The following CCDC47 variants were observed in gnomAD, a reference collection of about 807,000 sequenced individuals.
The protein encoded by CCDC47 is PAT complex subunit CCDC47.
Under a neutral mutation model 60.5 loss-of-function variants are expected in CCDC47, and 41 were observed. The ratio of observed to expected loss-of-function variants is 0.68; its 90% CI spans 0.53 to 0.88. The LOEUF is 0.88. Ranked by LOEUF, CCDC47 falls within the 40% of genes least tolerant of loss-of-function variation. The probability of loss-of-function intolerance (pLI) is 0.00; values close to 1 mark genes in which losing one functional copy is unlikely to be tolerated. For synonymous variants in CCDC47, 195 were observed against 190.7 expected (o/e 1.02, Z -0.18); for missense variants, 513 against 580.9 (o/e 0.88, Z 1.20).
chr17:63,755,275 A>G, intron 8 of CCDC47: 4 of 984,690 alleles, frequency 4.1e-6, no homozygotes, highest in Non-Finnish European at 4.8e-6. Context: ...ACAAGGCTAA[A>G]GCTTTTTAAA....
intron 1 of CCDC47, among the ~76,000 whole-genome samples, chr17:63,768,762 C>T (rs2039314609): frequency 6.6e-6 from 1 of 152,000 alleles, no homozygotes; most frequent in African/African-American, 2.4e-5. Flanking sequence ...GCCTGGGCAA[C>T]ACAGTGAGAC....
In CCDC47 at chr17:63,761,349, C is replaced by CCCCTAGGGGTAAA; in HGVS notation, c.548-11_549dup (p.Asp184PhefsTer6). ...GTGGCTTCTTTGTTAGTTCCATCAT[C>CCCCTAGGGGTAAA]CCCTAGGGGTAAAACCACTTAATGT... On this transcript the variant is annotated frameshift_variant and splice_region_variant, in exon 5 of 13. Coordinates refer to ENST00000225726, the MANE Select transcript of CCDC47 (RefSeq NM_020198.3). LOFTEE classifies it high-confidence loss of function. 1.2e-6 allele frequency: 2 copies of CCCCTAGGGGTAAA among 1,613,754 alleles called. No individual in the cohort carries two copies. The highest frequency in any genetic ancestry group is 1.7e-6 in the Non-Finnish European group (2 of 1,179,924).
intron 2 of CCDC47, chr17:63,765,682 T>C: frequency 7.5e-7 from 1 of 1,340,972 alleles, no homozygotes; most frequent in Non-Finnish European, 9.5e-7. Flanking sequence ...CCACAAACAG[T>C]ATCTATTCTC....
At position 63,745,708 on chromosome 17, in the gene CCDC47, T is replaced by G. The variant is rs1478005147; in HGVS notation, c.*1173A>C. 6.6e-6 allele frequency: 1 copy of G among 152,152 alleles called. No individual in the cohort carries two copies. Among genetic ancestry groups the G allele is most frequent in the Non-Finnish European group, 1.5e-5 (1 of 68,022 alleles). The allele number at this position is 152,152 out of a possible 1,614,324, so 9.4% of individuals were successfully genotyped here. The stretch of plus-strand genomic sequence containing the variant: ...CCACTCCCACCAGAAAACCCAACCC[T>G]TACCCATCCCCGGCAAAAATTACCT... On this transcript the variant is annotated 3_prime_UTR_variant, in exon 13 of 13. Coordinates refer to ENST00000225726, the MANE Select transcript of CCDC47 (RefSeq NM_020198.3).
At chr17:63,756,636 A>G in intron 6 of CCDC47, 66 bp from the exon 7 acceptor site, 6 of 1,105,970 alleles carry the variant, frequency 5.4e-6, no homozygotes, top group Non-Finnish European at 8.2e-6. Flanking sequence ...AGATTTCTAA[A>G]TGACCCTTAA....
chr17:63,764,462 A>T (rs2039283007), intron 3 of CCDC47, among the ~76,000 whole-genome samples: 1 of 152,208 alleles, frequency 6.6e-6, no homozygotes, highest in Non-Finnish European at 1.5e-5. Flanking sequence ...AATAAATTCA[A>T]TGTACTGTAC....
chr17:63,764,648 T>G (rs1371238505), intron 3 of CCDC47, 92 bp downstream of exon 3: 14 of 1,117,866 alleles, frequency 1.3e-5, no homozygotes, highest in African/African-American at 1.6e-5. Flanking sequence ...ACTATTGCAT[T>G]AACACCAGCT....
intron 2 of CCDC47, chr17:63,765,629 C>T (rs746686881): frequency 1.6e-5 from 17 of 1,084,500 alleles, no homozygotes; most frequent in Middle Eastern, 4.1e-4. Flanking sequence ...CATGAGCCAC[C>T]GTGCCCAGCC....
At chr17:63,757,298 A>G (rs2039215049) in intron 6 of CCDC47, among the ~76,000 whole-genome samples, 1 of 151,562 alleles carries the variant, frequency 6.6e-6, no homozygotes, top group African/African-American at 2.4e-5. Flanking sequence ...ATTGAGCCCC[A>G]GAAGCTGGAG....
chr17:63,755,125 C>A lies in CCDC47; in HGVS notation c.949-607G>T, dbSNP rs557495013. The stretch of plus-strand genomic sequence containing the variant: ...AGCTGGGACTAAAGGAACACACAAC[C>A]ACACCTGGCTAATTTTTTTATTGTA... On this transcript the variant is annotated intron_variant, in intron 8 of 12. Transcript: ENST00000225726. Among the ~76,000 whole-genome samples, 3 of 152,046 alleles carry A rather than the reference C, an allele frequency of 2.0e-5. No homozygotes were observed. In the East Asian group the frequency reaches 5.8e-4, roughly 30 times the overall value.
rs1222029550 is a variant in CCDC47, at chr17:63,759,509, ATATATATATATATATATTTAT to A, written c.735+1384_735+1404del. ...GTCTCCCAAAAAAAAAAAAAAAAAA[ATATATATATATATATATTTAT>A]ATATATATATATATATATATATATA... On this transcript the variant is annotated intron_variant, in intron 6 of 12. Transcript: ENST00000225726. 1.1e-3 allele frequency among the ~76,000 whole-genome samples: 25 copies of A among 23,154 alleles called. 5 individuals carry two copies. Among genetic ancestry groups the A allele is most frequent in the East Asian group, 5.0e-3 (3 of 596 alleles). The allele number at this position is 23,154 out of a possible 152,430, so 15.2% of individuals were successfully genotyped here.
chr17:63,765,113 A>G (rs2039287746), intron 2 of CCDC47: 1 of 162,494 alleles, frequency 6.2e-6, no homozygotes, highest in Admixed American at 7.7e-5. Flanking sequence ...TATTGTAAGT[A>G]TTCTCACCAC....
At chr17:63,769,337 T>C (rs974733587) in intron 1 of CCDC47, among the ~76,000 whole-genome samples, 17 of 151,410 alleles carry the variant, frequency 1.1e-4, no homozygotes, top group African/African-American at 3.9e-4. Context: ...GGTTTGGCTG[T>C]GTGCGATGGC....
In CCDC47 at chr17:63,751,035, C is replaced by G. The variant is rs528610682; in HGVS notation, c.1371+905G>C. On this transcript the variant is annotated intron_variant, in intron 12 of 12. Transcript: ENST00000225726. Reference sequence around the variant, plus strand: ...GACTACAGGTATGCACCACTATGCACAGCTAATTTTTTTTTTTTTTTACTA... The same window carrying G: ...GACTACAGGTATGCACCACTATGCAGAGCTAATTTTTTTTTTTTTTTACTA... Among the ~76,000 whole-genome samples the G allele has an allele frequency of 2.0e-4, 21 of 102,612 alleles. No homozygotes were observed. The South Asian group carries it at 7.6e-3, about 37-fold the overall frequency. 67.3% of individuals were successfully genotyped at this position (102,612 alleles called of 152,430 possible). A position where few individuals can be genotyped will look rare whatever the true frequency, so the allele number is the denominator to read the frequency against.
intron 12 of CCDC47, among the ~76,000 whole-genome samples, chr17:63,750,117 C>T (rs1019841484): frequency 6.6e-6 from 1 of 152,118 alleles, no homozygotes; most frequent in Non-Finnish European, 1.5e-5. Flanking sequence ...AAATGATTTA[C>T]ATCGACAAGA....
rs749027804 is a variant in CCDC47, at chr17:63,756,495, G to A, written c.811C>T (p.Arg271Ter). Residue 271 changes from arginine to a stop codon, truncating the protein, a stop_gained, in exon 7 of 13, where the codon CGA becomes TGA. Transcript: ENST00000225726. LOFTEE classifies it high-confidence loss of function. ...FAVGTRKALVRLQKEMQDLSE... is the reference protein window; with the variant it reads ...FAVGTRKALV ...AAATCCTGCATCTCTTTCTGTAGTCGCACCAAGGCTTTCCGTGTGCCAACA... is the reference window on the plus strand; with the variant it reads ...AAATCCTGCATCTCTTTCTGTAGTCACACCAAGGCTTTCCGTGTGCCAACA... 5 of 1,613,578 alleles carry A rather than the reference G, an allele frequency of 3.1e-6. No individual in the cohort carries two copies. The highest frequency in any genetic ancestry group is 4.2e-6 in the Non-Finnish European group (5 of 1,179,514).
At chr17:63,763,057 A>G (rs1175918431) in intron 4 of CCDC47, among the ~76,000 whole-genome samples, 1 of 152,164 alleles carries the variant, frequency 6.6e-6, no homozygotes, top group Non-Finnish European at 1.5e-5. Flanking sequence ...AGTTGGGACC[A>G]CAGAAGCACA....
Position 63,765,953 on chromosome 17 carries a change from C to A in CCDC47, c.223G>T (p.Asp75Tyr), listed in dbSNP as rs147323305. 199 of 1,613,868 alleles carry A rather than the reference C, an allele frequency of 1.2e-4. No homozygotes were observed. Among genetic ancestry groups the A allele is most frequent in the Non-Finnish European group, 1.6e-4 (193 of 1,179,952 alleles). ...DETTVELEGQ[D>Y]ENQEGDFEDA... ...TCAAAATCTCCTTCTTGGTTTTCAT[C>A]CTGCCCTTCCAACTCCACAGTGGTC... is the stretch of plus-strand genomic sequence containing the variant. Residue 75 changes from aspartate (D) to tyrosine (Y), a missense_variant, in exon 2 of 13, where the codon GAT (aspartate) becomes TAT (tyrosine). Physicochemically the swap from Asp to Tyr is radical, Grantham distance 160. Transcript: ENST00000225726.
intron 4 of CCDC47, chr17:63,761,696 CAA>C (rs11429721): frequency 1.8e-3 from 456 of 260,476 alleles, no homozygotes; most frequent in Non-Finnish European, 2.4e-3. Context: ...GACTCTGTCT[CAA>C]AAAAAAAAAA....
Sources: gnomAD v4.1 joint callset for allele counts (sites outside exome capture counted in the v4.1 genomes callset) on GRCh38, gnomAD v4.1.1 for gene constraint, MANE v1.5 for transcripts, NCBI Gene and HGNC (gene_info 2026-07-23, HGNC 2026-07-21) for gene names.